The following LAMC2 variants were observed in gnomAD, a reference collection of about 807,000 sequenced individuals.
The protein encoded by LAMC2 is laminin subunit gamma-2.
LAMC2 carries 97 observed loss-of-function variants against 140.2 expected under a neutral mutation model. That is an observed-to-expected ratio of 0.69 (90% CI 0.59 to 0.82). The LOEUF is 0.82. Among genes scored for constraint, LAMC2 ranks in the 40% least tolerant of loss-of-function variants. The pLI is 0.00. For synonymous variants in LAMC2, 513 were observed against 540.2 expected (o/e 0.95, Z 0.70); for missense variants, 1,402 against 1,476.1 (o/e 0.95, Z 0.82).
intron 2 of LAMC2, among the ~76,000 whole-genome samples, chr1:183,214,907 G>C (rs916093013): frequency 5.9e-5 from 9 of 152,278 alleles, no homozygotes; most frequent in African/African-American, 2.2e-4. Context: ...AGTCCCCTAA[G>C]TAAGGCACAC....
chr1:183,243,379 C>T lies in LAMC2; in HGVS notation c.3561C>T (p.Thr1187=). The T allele has an allele frequency of 6.2e-7, 1 of 1,614,170 alleles. No individual in the cohort carries two copies. Among genetic ancestry groups the T allele is most frequent in the Non-Finnish European group, 8.5e-7 (1 of 1,180,030 alleles). ...RDNLPPGCYN[T]QALEQQ is the part of the protein sequence containing the mutation. ...ACCTGCCCCCAGGCTGCTACAATACCCAGGCTCTTGAGCAACAGTGAAGCT... is the reference window on the plus strand; with the variant it reads ...ACCTGCCCCCAGGCTGCTACAATACTCAGGCTCTTGAGCAACAGTGAAGCT... Residue 1187 remains threonine (T), a synonymous_variant, in exon 23 of 23, where the codon ACC becomes ACT. Coordinates refer to ENST00000264144, the MANE Select transcript of LAMC2 (RefSeq NM_005562.3).
chr1:183,219,676 C>T (rs1182932447), intron 4 of LAMC2, among the ~76,000 whole-genome samples: 1 of 152,120 alleles, frequency 6.6e-6, no homozygotes, highest in African/African-American at 2.4e-5. Flanking sequence ...CAGCAGGTTT[C>T]TTCTCCATAG....
At chr1:183,217,838 G>A (rs1368359808) in intron 3 of LAMC2, among the ~76,000 whole-genome samples, 2 of 152,162 alleles carry the variant, frequency 1.3e-5, no homozygotes, top group African/African-American at 2.4e-5. Flanking sequence ...TAATATTGAC[G>A]GTGATGGCTG....
At chr1:183,235,068 C>T (rs541708648) in intron 15 of LAMC2, among the ~76,000 whole-genome samples, 1 of 152,206 alleles carries the variant, frequency 6.6e-6, no homozygotes, top group African/African-American at 2.4e-5. Context: ...GCCTCCTGAG[C>T]TCGTTTTTAA....
chr1:183,226,248 C>T (rs902738368), intron 8 of LAMC2, among the ~76,000 whole-genome samples: 6 of 151,106 alleles, frequency 4.0e-5, no homozygotes, highest in African/African-American at 7.3e-5. Context: ...AAAAAGGAAG[C>T]GTGGCTAGCA....
At chr1:183,190,945 T>C (rs1333086719) in intron 1 of LAMC2, among the ~76,000 whole-genome samples, 2 of 152,230 alleles carry the variant, frequency 1.3e-5, no homozygotes, top group African/African-American at 4.8e-5. Flanking sequence ...TTAGTGTATA[T>C]TGTGATCTTC....
intron 5 of LAMC2, among the ~76,000 whole-genome samples, chr1:183,221,349 T>G (rs1659463123): frequency 1.3e-5 from 2 of 152,218 alleles, no homozygotes; most frequent in Non-Finnish European, 2.9e-5. Context: ...CTGATTTATG[T>G]GAAATTAGTT....
the LAMC2 span, among the ~76,000 whole-genome samples, chr1:183,255,659 AGGGTTTTT>A: frequency 5.4e-5 from 7 of 130,658 alleles, no homozygotes; most frequent in African/African-American, 1.9e-4. Context: ...TTTATTCCTA[AGGGTTTTT>A]TTTTTTTTTT....
intron 1 of LAMC2, among the ~76,000 whole-genome samples, chr1:183,195,947 T>C (rs79335045): frequency 0.026 from 3,947 of 152,218 alleles, 169 homozygotes; most frequent in African/African-American, 0.09. Context: ...CACATGTAAA[T>C]ATAATATAAT....
At chr1:183,202,029 A>T (rs1658721850) in intron 1 of LAMC2, among the ~76,000 whole-genome samples, 1 of 151,458 alleles carries the variant, frequency 6.6e-6, no homozygotes, top group Admixed American at 6.6e-5. Flanking sequence ...TTATTGACTT[A>T]AAAAAAATAC....
At chr1:183,229,815 C>T (rs1310737998) in intron 11 of LAMC2, among the ~76,000 whole-genome samples, 1 of 151,952 alleles carries the variant, frequency 6.6e-6, no homozygotes, top group Non-Finnish European at 1.5e-5. Flanking sequence ...TGGTACAAAT[C>T]CCTTCAGGAA....
chr1:183,207,836 T>TTTTTG, intron 1 of LAMC2, 45 bp from the exon 2 acceptor site: 1 of 630,232 alleles, frequency 1.6e-6, no homozygotes, highest in African/African-American at 5.0e-5. Flanking sequence ...TCCTGAGGTG[T>TTTTTG]TTTTTTTTTT....
chr1:183,257,421 A>G, the LAMC2 span, among the ~76,000 whole-genome samples: 5 of 152,184 alleles, frequency 3.3e-5, no homozygotes, highest in African/African-American at 1.2e-4. Flanking sequence ...AGCCTGGGCG[A>G]CAGAGTGAGA....
chr1:183,227,570 T>G lies in LAMC2; in HGVS notation c.1341T>G (p.Ile447Met), dbSNP rs2102231493. 6.2e-7 allele frequency: 1 copy of G among 1,614,112 alleles called. No individual in the cohort carries two copies. The highest frequency in any genetic ancestry group is 2.2e-5 in the East Asian group (1 of 44,874). The change falls in exon 10 of 23, where the codon ATT (isoleucine) becomes ATG (methionine). Residue 447 changes from isoleucine (I) to methionine (M), a missense_variant. Transcript: ENST00000264144. ...NPDIECADCP[I>M]GFYNDPHDPR... ...ACATTGAGTGTGCTGACTGCCCAAT[T>G]GGTTTCTACAACGATCCGCACGACC...
At chr1:183,250,383 A>T in the LAMC2 span, 1 of 152,038 alleles carries the variant, frequency 6.6e-6, no homozygotes, top group Non-Finnish European at 1.5e-5. Flanking sequence ...CCTTACTATC[A>T]CACCCTCCCC....
intron 14 of LAMC2, 110 bp from the exon 15 acceptor site, chr1:183,234,257 G>C (rs1034676001): frequency 1.9e-5 from 15 of 776,242 alleles, no homozygotes; most frequent in Non-Finnish European, 4.6e-6. Context: ...GTGGAACCCT[G>C]TGTGGCTAAT....
At chr1:183,205,929 C>T (rs1658871808) in intron 1 of LAMC2, among the ~76,000 whole-genome samples, 1 of 151,944 alleles carries the variant, frequency 6.6e-6, no homozygotes, top group South Asian at 2.1e-4. Flanking sequence ...AGATTTAAAA[C>T]ACCATATAAA....
At chr1:183,250,578 C>T in the LAMC2 span, 4 of 152,616 alleles carry the variant, frequency 2.6e-5, no homozygotes, top group African/African-American at 7.2e-5. Context: ...TTGTCAGGCC[C>T]TACACCTGCT....
the LAMC2 span, among the ~76,000 whole-genome samples, chr1:183,252,924 C>T: frequency 6.6e-6 from 1 of 152,206 alleles, no homozygotes; most frequent in African/African-American, 2.4e-5. Context: ...TGACATCATT[C>T]ATCGTGGTTC....
Sources: gnomAD v4.1 joint callset for allele counts (sites outside exome capture counted in the v4.1 genomes callset) on GRCh38, gnomAD v4.1.1 for gene constraint, MANE v1.5 for transcripts, NCBI Gene and HGNC (gene_info 2026-07-23, HGNC 2026-07-21) for gene names.